LRRC28: variants seen among roughly 807,000 people sequenced by gnomAD.
LRRC28 encodes leucine rich repeat containing 28, also known as leucine-rich repeat-containing protein 28.
A neutral mutation model predicts 45.7 loss-of-function variants in LRRC28; 39 were observed. The observed-to-expected ratio is 0.85, with a 90% CI of 0.66 to 1.12. LRRC28 has a LOEUF of 1.12. Among genes scored for constraint, LRRC28 ranks in the 50% most tolerant of loss-of-function variants. The pLI is 0.00. For synonymous variants in LRRC28, 206 were observed against 178.8 expected, an observed-to-expected ratio of 1.15 and a Z score of -1.22; for missense variants, 435 against 438.5, an observed-to-expected ratio of 0.99 and a Z score of 0.07.
intron 2 of LRRC28, chr15:99,259,684 A>G (rs1185311113): frequency 7.2e-7 from 1 of 1,384,834 alleles, no homozygotes; most frequent in Non-Finnish European, 1.0e-6. Flanking sequence ...TTAATCCCAG[A>G]CATCCGCTGA....
chr15:99,289,597 C>T lies in LRRC28; in HGVS notation c.385+1646C>T, dbSNP rs1362052263. 1.3e-5 allele frequency among the ~76,000 whole-genome samples: 2 copies of T among 152,128 alleles called. 1 individual carries two copies. The highest frequency in any genetic ancestry group is 2.9e-5 in the Non-Finnish European group (2 of 68,026). ...ACATACTAATGGATTAATTTTTAGA[C>T]TTTATGTTCTGGCCTTAATATATAG... is the stretch of plus-strand genomic sequence containing the variant. On this transcript the variant is annotated intron_variant, in intron 5 of 9. Coordinates refer to ENST00000301981, the MANE Select transcript of LRRC28 (RefSeq NM_144598.5).
intron 5 of LRRC28, among the ~76,000 whole-genome samples, chr15:99,332,865 T>C (rs1956203578): frequency 6.6e-6 from 1 of 152,122 alleles, no homozygotes; most frequent in Non-Finnish European, 1.5e-5. Context: ...TGTCAAGTGG[T>C]AGAGCTTGGG....
intron 7 of LRRC28, among the ~76,000 whole-genome samples, chr15:99,354,486 C>T (rs559477823): frequency 3.0e-4 from 45 of 152,196 alleles, no homozygotes; most frequent in Non-Finnish European, 4.9e-4. Flanking sequence ...AGCACAAGGG[C>T]CTGGGGGAAA....
At chr15:99,287,171 A>G in intron 3 of LRRC28, 86 bp from the exon 4 acceptor site, 3 of 1,173,150 alleles carry the variant, frequency 2.6e-6, no homozygotes, top group Non-Finnish European at 3.6e-6. Flanking sequence ...TATATTTGAT[A>G]AATTTCTAAG....
chr15:99,285,014 A>C, intron 3 of LRRC28: 1 of 646,756 alleles, frequency 1.5e-6, no homozygotes, highest in Non-Finnish European at 2.9e-6. Context: ...GGCTGGATGA[A>C]GCACTAGCCA....
At chr15:99,278,837 TC>T (rs1295436387) in intron 3 of LRRC28, among the ~76,000 whole-genome samples, 16 of 152,246 alleles carry the variant, frequency 1.1e-4, no homozygotes, top group Admixed American at 9.2e-4. Context: ...GACTGCAGTC[TC>T]ATCTGAAGAT....
chr15:99,300,102 T>TA (rs1374613614), intron 5 of LRRC28, among the ~76,000 whole-genome samples: 1 of 151,124 alleles, frequency 6.6e-6, no homozygotes, highest in East Asian at 2.0e-4. Context: ...ACAAGACTAA[T>TA]ATTAGTGACT....
intron 2 of LRRC28, among the ~76,000 whole-genome samples, chr15:99,269,951 T>C (rs914962589): frequency 2.0e-5 from 3 of 152,220 alleles, no homozygotes; most frequent in African/African-American, 4.8e-5. Flanking sequence ...GAAAGAATGC[T>C]GGTTCCTTCA....
At chr15:99,265,426 G>A (rs1484519489) in intron 2 of LRRC28, among the ~76,000 whole-genome samples, 5 of 152,156 alleles carry the variant, frequency 3.3e-5, no homozygotes, top group Admixed American at 3.3e-4. Flanking sequence ...TATTGGGCAC[G>A]ACTGAGTAAG....
intron 5 of LRRC28, among the ~76,000 whole-genome samples, chr15:99,320,178 G>C (rs1324040911): frequency 1.3e-5 from 2 of 152,106 alleles, no homozygotes; most frequent in Non-Finnish European, 2.9e-5. Context: ...CTGTTAAGAG[G>C]TCTTGTTAAT....
intron 2 of LRRC28, among the ~76,000 whole-genome samples, chr15:99,263,849 C>A (rs916564005): frequency 6.6e-6 from 1 of 150,756 alleles, no homozygotes; most frequent in African/African-American, 2.5e-5. Context: ...ATAGATACAT[C>A]ATGGAACAGC....
chr15:99,289,704 C>A (rs557616839), intron 5 of LRRC28, among the ~76,000 whole-genome samples: 5 of 147,866 alleles, frequency 3.4e-5, no homozygotes, highest in Non-Finnish European at 7.5e-5. Context: ...GAGGCCGAGG[C>A]GGGTGGATCA....
At chr15:99,300,522 T>C (rs1286085048) in intron 5 of LRRC28, among the ~76,000 whole-genome samples, 1 of 152,120 alleles carries the variant, frequency 6.6e-6, no homozygotes, top group Non-Finnish European at 1.5e-5. Flanking sequence ...CATTGGAAAA[T>C]ATTTTTAAAG....
chr15:99,361,805 T>G (rs1957211449), intron 8 of LRRC28, among the ~76,000 whole-genome samples: 1 of 152,194 alleles, frequency 6.6e-6, no homozygotes, highest in South Asian at 2.1e-4. Flanking sequence ...AACGTGGTTG[T>G]CAGTTGCAAA....
At position 99,287,124 on chromosome 15, in the gene LRRC28, GA is replaced by G. The variant is rs1162193505; in HGVS notation, c.210-132del. On this transcript the variant is annotated intron_variant, in intron 3 of 9. Transcript: ENST00000301981. ...GCTGTGATAACCATTATTGTATGTT[GA>G]TGCATTAGAGTAGGGTGCAAAAGTT... The G allele has an allele frequency of 3.9e-5, 24 of 613,204 alleles. No homozygotes were observed. In the African/African-American group the frequency reaches 4.1e-4, roughly 10 times the overall value. The allele number at this position is 613,204 out of a possible 1,614,324, so 38.0% of individuals were successfully genotyped here. A position where few individuals can be genotyped will look rare whatever the true frequency, so the allele number is the denominator to read the frequency against.
At chr15:99,259,741 A>T (rs1347473869) in intron 2 of LRRC28, 1 of 1,413,496 alleles carries the variant, frequency 7.1e-7, no homozygotes, top group African/African-American at 1.4e-5. Flanking sequence ...ATGATAAAAC[A>T]GTTTTGGATC....
chr15:99,254,645 A>G (rs866511314), intron 1 of LRRC28, among the ~76,000 whole-genome samples: 8 of 152,190 alleles, frequency 5.3e-5, no homozygotes, highest in East Asian at 1.9e-4. Flanking sequence ...TTTGAAATCC[A>G]CTGGACCTGG....
At chr15:99,345,515 A>G (rs1956652098) in intron 6 of LRRC28, among the ~76,000 whole-genome samples, 1 of 151,904 alleles carries the variant, frequency 6.6e-6, no homozygotes, top group Non-Finnish European at 1.5e-5. Flanking sequence ...ATTTCAATCG[A>G]TTGTTTTTCT....
chr15:99,272,391 G>A (rs1448097482), intron 2 of LRRC28, among the ~76,000 whole-genome samples: 1 of 152,228 alleles, frequency 6.6e-6, no homozygotes, highest in African/African-American at 2.4e-5. Flanking sequence ...CACTGACCAA[G>A]CTAGTCACTT....
Sources: allele counts gnomAD v4.1 joint callset (sites outside exome capture counted in the v4.1 genomes callset), GRCh38; gene constraint gnomAD v4.1.1; transcripts MANE v1.5; gene names NCBI Gene and HGNC (gene_info 2026-07-23, HGNC 2026-07-21).